ARB2A: variants seen among roughly 807,000 people sequenced by gnomAD.
The protein encoded by ARB2A is cotranscriptional regulator ARB2A.
At chr5:93,757,080 G>C in the ARB2A span, among the ~76,000 whole-genome samples, 1 of 152,110 alleles carries the variant, frequency 6.6e-6, no homozygotes, top group Non-Finnish European at 1.5e-5. Context: ...AATGTGAAAT[G>C]CTCTGGAAAG....
the ARB2A span, among the ~76,000 whole-genome samples, chr5:93,888,362 G>C: frequency 2.9e-4 from 44 of 151,772 alleles, no homozygotes; most frequent in African/African-American, 9.2e-4. Flanking sequence ...GAAGTAACAA[G>C]TTAAAACTGT....
the ARB2A span, among the ~76,000 whole-genome samples, chr5:94,088,522 A>AC: frequency 6.6e-6 from 1 of 152,132 alleles, no homozygotes; most frequent in African/African-American, 2.4e-5. Context: ...CTCTACAAAA[A>AC]ATTTAAAAAT....
chr5:94,004,998 C>CAAAAAAAAA, the ARB2A span, among the ~76,000 whole-genome samples: 99 of 12,542 alleles, frequency 7.9e-3, 9 homozygotes, highest in South Asian at 0.014. Context: ...ATTTTATCAG[C>CAAAAAAAAA]AAAAAAAAAA....
At chr5:94,061,632 A>C in the ARB2A span, among the ~76,000 whole-genome samples, 2 of 152,340 alleles carry the variant, frequency 1.3e-5, no homozygotes, top group African/African-American at 4.8e-5. Context: ...ACAAAACTTA[A>C]TTGTATTTTC....
the ARB2A span, among the ~76,000 whole-genome samples, chr5:93,746,768 C>T: frequency 6.6e-6 from 1 of 152,118 alleles, no homozygotes; most frequent in Non-Finnish European, 1.5e-5. Context: ...AAAAACCCTG[C>T]AGCCTGCACC....
At chr5:93,836,287 A>G in the ARB2A span, among the ~76,000 whole-genome samples, 1 of 152,134 alleles carries the variant, frequency 6.6e-6, no homozygotes, top group East Asian at 1.9e-4. Context: ...TCGGCCTCCC[A>G]AAGTGCTAGG....
chr5:93,857,558 C>A, the ARB2A span, among the ~76,000 whole-genome samples: 1 of 152,106 alleles, frequency 6.6e-6, no homozygotes, highest in Non-Finnish European at 1.5e-5. Flanking sequence ...TAGAAATCAG[C>A]GAGACTCCAT....
chr5:93,999,948 A>G, the ARB2A span, among the ~76,000 whole-genome samples: 12 of 152,182 alleles, frequency 7.9e-5, 1 homozygote, highest in African/African-American at 2.9e-4. Flanking sequence ...CCACTTAGAA[A>G]TATATGGTTA....
At chr5:94,032,852 T>C in the ARB2A span, among the ~76,000 whole-genome samples, 4 of 152,288 alleles carry the variant, frequency 2.6e-5, no homozygotes, top group African/African-American at 9.6e-5. Context: ...TCCTCCCTTT[T>C]GGAAGGAACA....
chr5:93,671,256 T>C, the ARB2A span, among the ~76,000 whole-genome samples: 6 of 152,148 alleles, frequency 3.9e-5, no homozygotes, highest in Non-Finnish European at 7.4e-5. Context: ...GTAATAATTG[T>C]CAATAATGAT....
the ARB2A span, among the ~76,000 whole-genome samples, chr5:93,744,964 C>A: frequency 1.3e-5 from 2 of 152,170 alleles, no homozygotes; most frequent in African/African-American, 4.8e-5. Context: ...TAGAGCAGGA[C>A]AACTATACTC....
At chr5:93,811,100 G>A in the ARB2A span, among the ~76,000 whole-genome samples, 1 of 152,058 alleles carries the variant, frequency 6.6e-6, no homozygotes, top group South Asian at 2.1e-4. Flanking sequence ...AGGAGCAAAT[G>A]CTGATAGCAG....
At chr5:93,679,019 G>A in the ARB2A span, among the ~76,000 whole-genome samples, 697 of 152,174 alleles carry the variant, frequency 4.6e-3, 3 homozygotes, top group Non-Finnish European at 6.4e-3. Flanking sequence ...TGCTTTTAAC[G>A]TAAAAAGTGG....
At chr5:93,983,191 GTGTGTGT>G in the ARB2A span, among the ~76,000 whole-genome samples, 1 of 146,654 alleles carries the variant, frequency 6.8e-6, no homozygotes, top group African/African-American at 2.5e-5. Context: ...GTGTGTGTGT[GTGTGTGT>G]GTGTGTGTGT....
At chr5:94,070,123 T>G in the ARB2A span, among the ~76,000 whole-genome samples, 10 of 152,028 alleles carry the variant, frequency 6.6e-5, no homozygotes, top group Non-Finnish European at 1.5e-4. Flanking sequence ...ATGTGATATA[T>G]ATATACAAAA....
the ARB2A span, among the ~76,000 whole-genome samples, chr5:94,101,409 A>C: frequency 6.6e-6 from 1 of 152,190 alleles, no homozygotes; most frequent in East Asian, 1.9e-4. Flanking sequence ...AACTAAAAGC[A>C]GGGCTACCAT....
At chr5:93,767,615 C>G in the ARB2A span, among the ~76,000 whole-genome samples, 1 of 152,058 alleles carries the variant, frequency 6.6e-6, no homozygotes, top group Non-Finnish European at 1.5e-5. Context: ...AATCGTGGAA[C>G]CAACCCAAAT....
chr5:93,854,994 T>C, the ARB2A span, among the ~76,000 whole-genome samples: 4 of 152,180 alleles, frequency 2.6e-5, no homozygotes, highest in African/African-American at 9.7e-5. Context: ...CAGAGCTGAG[T>C]TCAATTCCTG....
chr5:94,027,573 AACACACAGAC>A, the ARB2A span, among the ~76,000 whole-genome samples: 1 of 152,230 alleles, frequency 6.6e-6, no homozygotes, highest in East Asian at 1.9e-4. Context: ...TGAATAGTTA[AACACACAGAC>A]GCTGACAGGA....
Sources: allele counts gnomAD v4.1 joint callset (sites outside exome capture counted in the v4.1 genomes callset), GRCh38; gene constraint gnomAD v4.1.1; transcripts MANE v1.5; gene names NCBI Gene and HGNC (gene_info 2026-07-23, HGNC 2026-07-21).